The following PPIP5K2 variants were observed in gnomAD, a reference collection of about 807,000 sequenced individuals.
The protein encoded by PPIP5K2 is inositol hexakisphosphate and diphosphoinositol-pentakisphosphate kinase 2.
A neutral mutation model predicts 154.6 loss-of-function variants in PPIP5K2; 105 were observed. The ratio of observed to expected loss-of-function variants is 0.68; its 90% confidence interval spans 0.58 to 0.80. The LOEUF is 0.80. Ranked by LOEUF, PPIP5K2 falls within the 30% of genes least tolerant of loss-of-function variation. The pLI, the probability that PPIP5K2 is intolerant of heterozygous loss-of-function variation, is 0.00. For synonymous variants in PPIP5K2, 480 were observed against 490.3 expected, an observed-to-expected ratio of 0.98 and a Z score of 0.28; for missense variants, 992 against 1,504.6, an observed-to-expected ratio of 0.66 and a Z score of 5.64.
intron 3 of PPIP5K2, among the ~76,000 whole-genome samples, chr5:103,134,403 T>C (rs1379555451): frequency 6.6e-6 from 1 of 152,142 alleles, no homozygotes; most frequent in African/African-American, 2.4e-5. Context: ...CAGTTGTAAA[T>C]GTATTCATAT....
intron 28 of PPIP5K2, 23 bp from the exon 29 acceptor site, chr5:103,190,819 T>C (rs782610583): frequency 6.4e-7 from 1 of 1,552,294 alleles, no homozygotes; most frequent in South Asian, 1.2e-5. Context: ...TTATTTTTTG[T>C]TTTTGGTTTT....
At position 103,203,227 on chromosome 5, in the gene PPIP5K2, T is replaced by G. The variant is rs1803263864; in HGVS notation, c.*1593T>G. The G allele has an allele frequency of 6.6e-6, 1 of 152,540 alleles. No homozygotes were observed. Among genetic ancestry groups the G allele is most frequent in the Non-Finnish European group, 1.5e-5 (1 of 68,004 alleles). The allele number at this position is 152,540 out of a possible 1,614,324, so 9.4% of individuals were successfully genotyped here. ...GAATCAAAGAGACTTAAATGGTAAA[T>G]TTTTAAAATTTTCTTATCTCTTACT... On this transcript the variant is annotated 3_prime_UTR_variant, in exon 31 of 31. Coordinates refer to ENST00000358359, the MANE Select transcript of PPIP5K2 (RefSeq NM_001276277.3).
chr5:103,186,492 A>G, intron 27 of PPIP5K2, 53 bp downstream of exon 27: 1 of 1,603,126 alleles, frequency 6.2e-7, no homozygotes, highest in Non-Finnish European at 8.5e-7. Context: ...GCACACACCC[A>G]TGAGCAGTAT....
chr5:103,162,620 C>T (rs1294768618), intron 17 of PPIP5K2, among the ~76,000 whole-genome samples: 1 of 152,118 alleles, frequency 6.6e-6, no homozygotes, highest in African/African-American at 2.4e-5. Context: ...GCCTTGACAT[C>T]CCAAGGCTTT....
At chr5:103,139,249 T>G (rs992959576) in intron 5 of PPIP5K2, among the ~76,000 whole-genome samples, 4 of 152,172 alleles carry the variant, frequency 2.6e-5, no homozygotes, top group African/African-American at 7.2e-5. Context: ...TTTGATGAAT[T>G]TATCATACCT....
Position 103,149,346 on chromosome 5 carries a change from A to T in PPIP5K2, c.906+33A>T. 1.9e-6 allele frequency: 3 copies of T among 1,550,306 alleles called. No homozygotes were observed. The East Asian group carries it at 6.8e-5, about 35-fold the overall frequency. ...GTTATACAGGCCTATAGATCCTTAT[A>T]AAGGTAAATTCTAATTTTCTTTTTT... On this transcript the variant is annotated intron_variant, in intron 8 of 30. Transcript: ENST00000358359.
chr5:103,168,423 G>A (rs1417942537), intron 19 of PPIP5K2, 128 bp downstream of exon 19: 1 of 671,826 alleles, frequency 1.5e-6, no homozygotes, highest in Non-Finnish European at 2.6e-6. Flanking sequence ...AGGAAATTAG[G>A]TAATTATGAA....
chr5:103,180,051 A>G lies in PPIP5K2; in HGVS notation c.2785A>G (p.Asn929Asp). 6.4e-7 allele frequency: 1 copy of G among 1,561,968 alleles called. No homozygotes were observed. The highest frequency in any genetic ancestry group is 8.6e-7 in the Non-Finnish European group (1 of 1,157,512). ...NEGRRPFKID[N>D]DDEPHTSKRD... ...AGGCAGGAGACCTTTTAAAATTGATAATGATGATGAACCACATACTTCTAA... is the reference window on the plus strand; with the variant it reads ...AGGCAGGAGACCTTTTAAAATTGATGATGATGATGAACCACATACTTCTAA... Residue 929 changes from asparagine (N) to aspartate (D), a missense_variant, in exon 24 of 31, where the codon AAT becomes GAT. By Grantham distance (23) the Asn-to-Asp change is conservative. Transcript: ENST00000358359.
In PPIP5K2 at chr5:103,159,196, G is replaced by A. The variant is rs782028123; in HGVS notation, c.1788G>A (p.Val596=). The A allele has an allele frequency of 1.9e-6, 3 of 1,610,188 alleles. No individual in the cohort carries two copies. The highest frequency in any genetic ancestry group is 2.7e-5 in the African/African-American group (2 of 74,884). ...GELTPILVQM[V]KSANMNGLLD... The stretch of plus-strand genomic sequence containing the variant: ...TTACACCCATTCTTGTTCAAATGGT[G>A]AAAAGTGCAAATATGAACGGTCTTT... Residue 596 remains valine, a synonymous_variant, in exon 17 of 31, where the codon GTG becomes GTA. Coordinates refer to ENST00000358359, the MANE Select transcript of PPIP5K2 (RefSeq NM_001276277.3).
At chr5:103,142,199 C>G (rs1038464177) in intron 5 of PPIP5K2, among the ~76,000 whole-genome samples, 2 of 152,220 alleles carry the variant, frequency 1.3e-5, no homozygotes, top group Non-Finnish European at 1.5e-5. Flanking sequence ...AGCTAAGGCT[C>G]GGTGAGAAAT....
chr5:103,167,250 T>C lies in PPIP5K2; in HGVS notation c.1992T>C (p.Asp664=). The change falls in exon 18 of 31, where the codon GAT becomes GAC. Residue 664 remains aspartate, a synonymous_variant. Transcript: ENST00000358359. ...HLIKNPVKTC[D]KVYSLIQSLT... The stretch of plus-strand genomic sequence containing the variant: ...TTAAAAACCCTGTGAAGACCTGTGA[T>C]AAAGTTTATTCCTTAATTCAGAGTT... 6.2e-6 allele frequency: 10 copies of C among 1,600,180 alleles called. No homozygotes were observed. Among genetic ancestry groups the C allele is most frequent in the Non-Finnish European group, 8.5e-6 (10 of 1,172,822 alleles).
rs781834539 is a variant in PPIP5K2, at chr5:103,173,942, G to C, written c.2499G>C (p.Leu833=). 7.5e-6 allele frequency: 12 copies of C among 1,604,618 alleles called. No individual in the cohort carries two copies. The Admixed American group carries it at 2.0e-4, about 27-fold the overall frequency. The change falls in exon 21 of 31, where the codon CTG becomes CTC. Residue 833 remains leucine, a synonymous_variant. Transcript: ENST00000358359. ...GTGAAAGTCATGTACATTCTTTGCT[G>C]TCTATTCTTCGCTATGGTGCCTTAT... ...FTSESHVHSL[L]SILRYGALCN...
chr5:103,144,926 C>T (rs1276003743), intron 5 of PPIP5K2, among the ~76,000 whole-genome samples: 5 of 151,962 alleles, frequency 3.3e-5, no homozygotes, highest in African/African-American at 1.2e-4. Flanking sequence ...TCATATCAAC[C>T]TAAAAAACTT....
chr5:103,193,158 A>G (rs963707741), intron 29 of PPIP5K2, among the ~76,000 whole-genome samples: 6 of 152,164 alleles, frequency 3.9e-5, no homozygotes, highest in Non-Finnish European at 7.4e-5. Context: ...GTGGTCAAGC[A>G]AGACTAAAAT....
chr5:103,199,161 T>G (rs1554229491), intron 30 of PPIP5K2, among the ~76,000 whole-genome samples: 1 of 152,186 alleles, frequency 6.6e-6, no homozygotes, highest in African/African-American at 2.4e-5. Flanking sequence ...ATATTTGCTT[T>G]AAACAGTCAT....
At chr5:103,151,868 G>A (rs950109000) in intron 9 of PPIP5K2, among the ~76,000 whole-genome samples, 1 of 151,984 alleles carries the variant, frequency 6.6e-6, no homozygotes, top group African/African-American at 2.4e-5. Flanking sequence ...AGGTAGAAAT[G>A]CCATTTTTAT....
intron 30 of PPIP5K2, among the ~76,000 whole-genome samples, chr5:103,195,475 A>T (rs1801948586): frequency 6.6e-6 from 1 of 152,086 alleles, no homozygotes; most frequent in Admixed American, 6.5e-5. Context: ...AAAGAAAAAA[A>T]ATTTCTCTTT....
intron 3 of PPIP5K2, among the ~76,000 whole-genome samples, chr5:103,135,672 T>G (rs1325273227): frequency 6.6e-6 from 1 of 151,268 alleles, no homozygotes; most frequent in Non-Finnish European, 1.5e-5. Flanking sequence ...CATCAAGCAC[T>G]CCTCCCAACT....
At chr5:103,147,604 A>C (rs1045443809) in intron 6 of PPIP5K2, among the ~76,000 whole-genome samples, 9 of 151,988 alleles carry the variant, frequency 5.9e-5, no homozygotes, top group African/African-American at 2.2e-4. Context: ...AGAATGGATA[A>C]ATTCTGGTGT....
Sources: gnomAD v4.1 joint callset for allele counts (sites outside exome capture counted in the v4.1 genomes callset) on GRCh38, gnomAD v4.1.1 for gene constraint, MANE v1.5 for transcripts, NCBI Gene and HGNC (gene_info 2026-07-23, HGNC 2026-07-21) for gene names.